ASRGL1: variants seen among roughly 807,000 people sequenced by gnomAD.
ASRGL1 encodes the protein isoaspartyl peptidase/L-asparaginase.
ASRGL1 carries 16 observed loss-of-function variants against 22.4 expected under a neutral mutation model. The ratio of observed to expected loss-of-function variants is 0.71; its 90% CI spans 0.48 to 1.08. The LOEUF (loss-of-function observed/expected upper bound fraction) is 1.08, where lower values mean the gene tolerates loss of function less well. ASRGL1 is among the 50% of genes least tolerant of loss of function. The pLI is 0.00. For missense variants in ASRGL1, 412 were observed against 410.1 expected (o/e 1.00, Z -0.04); for synonymous variants, 165 against 159.3 (o/e 1.04, Z -0.27).
intron 4 of ASRGL1, 123 bp downstream of exon 4, chr11:62,357,267 TGACACGGAGTCTCTCTC>T: frequency 8.3e-5 from 104 of 1,255,974 alleles, no homozygotes; most frequent in Middle Eastern, 2.8e-4. Context: ...TTGTTTTGTT[TGACACGGAGTCTCTCTC>T]TGTTGCCCAG....
chr11:62,359,862 C>T (rs1361404284), intron 4 of ASRGL1, among the ~76,000 whole-genome samples: 3 of 151,934 alleles, frequency 2.0e-5, no homozygotes, highest in African/African-American at 7.3e-5. Flanking sequence ...AAATTTTTAG[C>T]TTTCATGTAA....
rs866657397 is a variant in ASRGL1, at chr11:62,362,601, A to G, written c.491+5457A>G. On this transcript the variant is annotated intron_variant, in intron 4 of 6. Coordinates refer to ENST00000415229, the MANE Select transcript of ASRGL1 (RefSeq NM_001083926.2). ...TTATATAAAATATATAATATATATT[A>G]TATAAAATATATATTATATATTATA... Among the ~76,000 whole-genome samples, 4 of 53,734 alleles carry G rather than the reference A, an allele frequency of 7.4e-5. No individual in the cohort carries two copies. The South Asian group carries it at 1.8e-3, about 24-fold the overall frequency. 35.3% of individuals were successfully genotyped at this position (53,734 alleles called of 152,430 possible).
chr11:62,359,209 A>T (rs1470881127), intron 4 of ASRGL1, among the ~76,000 whole-genome samples: 2 of 152,144 alleles, frequency 1.3e-5, no homozygotes, highest in African/African-American at 4.8e-5. Flanking sequence ...TCTAGTGGCC[A>T]CATCCACAGT....
chr11:62,388,933 G>A (rs1947275465), intron 4 of ASRGL1, among the ~76,000 whole-genome samples, 200 bp from the exon 5 acceptor site: 2 of 152,136 alleles, frequency 1.3e-5, no homozygotes, highest in African/African-American at 4.8e-5. Flanking sequence ...TTAAAGCTGA[G>A]GTGTGGAGGA....
Position 62,366,502 on chromosome 11 carries a change from A to G in ASRGL1, c.491+9358A>G, listed in dbSNP as rs908263534. ...AACCCTCCTTCCTTATCTAACAGGTAAAGGGTAACACTGTTACTTTAATTT... is the reference window on the plus strand; with the variant it reads ...AACCCTCCTTCCTTATCTAACAGGTGAAGGGTAACACTGTTACTTTAATTT... On this transcript the variant is annotated intron_variant, in intron 4 of 6. Transcript: ENST00000415229. Among the ~76,000 whole-genome samples, 26 of 131,048 alleles carry G rather than the reference A, an allele frequency of 2.0e-4. 2 individuals are homozygous for G. The highest frequency in any genetic ancestry group is 3.6e-4 in the Non-Finnish European group (20 of 55,990). The allele number at this position is 131,048 out of a possible 152,430, so 86.0% of individuals were successfully genotyped here.
chr11:62,388,643 C>T (rs1565175538), intron 4 of ASRGL1, among the ~76,000 whole-genome samples: 2 of 139,040 alleles, frequency 1.4e-5, no homozygotes, highest in Non-Finnish European at 3.0e-5. Flanking sequence ...GCACTGCAGC[C>T]TGGGCGACAA....
chr11:62,341,985 C>T (rs1020709447), intron 2 of ASRGL1, among the ~76,000 whole-genome samples: 4 of 152,006 alleles, frequency 2.6e-5, no homozygotes, highest in Admixed American at 6.6e-5. Flanking sequence ...TTAGTAAGGC[C>T]GTTTTTATTT....
the ASRGL1 span, among the ~76,000 whole-genome samples, chr11:62,399,359 C>T: frequency 2.6e-5 from 4 of 152,178 alleles, no homozygotes; most frequent in African/African-American, 4.8e-5. Context: ...CACTTGGACT[C>T]GTGTAGAGAA....
At chr11:62,353,232 A>G (rs1439172279) in intron 2 of ASRGL1, among the ~76,000 whole-genome samples, 2 of 151,074 alleles carry the variant, frequency 1.3e-5, no homozygotes, top group African/African-American at 2.4e-5. Flanking sequence ...TTTGATTATT[A>G]TATTTTTCAG....
chr11:62,365,446 C>T (rs927176446), intron 4 of ASRGL1, among the ~76,000 whole-genome samples: 21 of 151,252 alleles, frequency 1.4e-4, no homozygotes, highest in African/African-American at 5.1e-4. Flanking sequence ...CCCAGCTACT[C>T]GTGAGGCTGA....
chr11:62,338,337 C>CTAAA (rs1945779111), intron 2 of ASRGL1, 170 bp downstream of exon 2: 2 of 764,028 alleles, frequency 2.6e-6, no homozygotes, highest in Admixed American at 6.9e-5. Flanking sequence ...GAGTCAAACG[C>CTAAA]TAAAATATTT....
chr11:62,340,152 G>GC (rs2134562464), intron 2 of ASRGL1, among the ~76,000 whole-genome samples: 1 of 151,988 alleles, frequency 6.6e-6, no homozygotes, highest in African/African-American at 2.4e-5. Context: ...GCCTGTAGCC[G>GC]CCGCTACTCA....
chr11:62,372,270 GGC>G (rs1281869773), intron 4 of ASRGL1: 1 of 1,599,636 alleles, frequency 6.3e-7, no homozygotes, highest in Non-Finnish European at 8.5e-7. Context: ...GACGGAAACG[GGC>G]TCCGTGTTTG....
intron 4 of ASRGL1, among the ~76,000 whole-genome samples, chr11:62,362,461 T>C (rs1372838089): frequency 2.0e-5 from 2 of 101,226 alleles, no homozygotes. Context: ...ACCAAAAATA[T>C]ATATATATTA....
intron 4 of ASRGL1, chr11:62,372,768 C>T: frequency 6.4e-7 from 1 of 1,561,292 alleles, no homozygotes; most frequent in Non-Finnish European, 8.8e-7. Flanking sequence ...TGGGGCTTCC[C>T]AGATCTATGC....
intron 2 of ASRGL1, among the ~76,000 whole-genome samples, chr11:62,349,127 C>T (rs1276368637): frequency 6.6e-6 from 1 of 152,116 alleles, no homozygotes; most frequent in Non-Finnish European, 1.5e-5. Flanking sequence ...CACCACCACA[C>T]CCAACTAATT....
At chr11:62,349,364 G>T (rs1590710098) in intron 2 of ASRGL1, among the ~76,000 whole-genome samples, 1 of 152,148 alleles carries the variant, frequency 6.6e-6, no homozygotes, top group East Asian at 1.9e-4. Context: ...AGTTAGCTCT[G>T]CCCAATAGCC....
rs75225813 is a variant in ASRGL1, at chr11:62,338,262, G to T, written c.190+95G>T. On this transcript the variant is annotated intron_variant, in intron 2 of 6. Transcript: ENST00000415229. Reference sequence around the variant, plus strand: ...TACATAGTGTTAGGGAATCTAATGAGCTTTGGGGTGAAACTAAGTATGTAA... The same window carrying T: ...TACATAGTGTTAGGGAATCTAATGATCTTTGGGGTGAAACTAAGTATGTAA... The T allele has an allele frequency of 1.3e-5, 16 of 1,248,872 alleles. No homozygotes were observed. The African/African-American group carries it at 2.2e-4, about 17-fold the overall frequency. 77.4% of individuals were successfully genotyped at this position (1,248,872 alleles called of 1,614,324 possible). A position where few individuals can be genotyped will look rare whatever the true frequency, so the allele number is the denominator to read the frequency against.
At chr11:62,389,942 T>C (rs1947301756) in intron 5 of ASRGL1, 1 of 154,292 alleles carries the variant, frequency 6.5e-6, no homozygotes, top group African/African-American at 2.4e-5. Flanking sequence ...CTTCCCTTTT[T>C]AATGTGTTGC....
Sources: gnomAD v4.1 joint callset for allele counts (sites outside exome capture counted in the v4.1 genomes callset) on GRCh38, gnomAD v4.1.1 for gene constraint, MANE v1.5 for transcripts, NCBI Gene and HGNC (gene_info 2026-07-23, HGNC 2026-07-21) for gene names.